Variants in PAFAH1B2 observed in about 807,000 individuals in gnomAD.
PAFAH1B2 encodes platelet activating factor acetylhydrolase 1b catalytic subunit 2.
Under a neutral mutation model 28.0 loss-of-function variants are expected in PAFAH1B2, and 8 were observed. That is an observed-to-expected ratio of 0.29 (90% CI 0.17 to 0.52). The LOEUF is 0.52. Ranked by LOEUF, PAFAH1B2 falls within the 20% of genes least tolerant of loss-of-function variation. PAFAH1B2 has a pLI of 0.97. For missense variants in PAFAH1B2, 190 were observed against 282.6 expected, an observed-to-expected ratio of 0.67 and a Z score of 2.35; for synonymous variants, 104 against 103.2, an observed-to-expected ratio of 1.01 and a Z score of -0.05.
Position 117,170,947 on chromosome 11 carries a change from T to A in PAFAH1B2, c.*3248T>A. ...GCTGCTAGCTGACTGGACCTCCCCA[T>A]TGGAAGTTTGTGATTTTGCTTTGGC... On this transcript the variant is annotated 3_prime_UTR_variant, in exon 6 of 6. Transcript: ENST00000527958. 9.5e-7 allele frequency: 1 copy of A among 1,055,220 alleles called. No homozygotes were observed. Among genetic ancestry groups the A allele is most frequent in the East Asian group, 5.3e-5 (1 of 18,992 alleles). 65.4% of individuals were successfully genotyped at this position (1,055,220 alleles called of 1,614,324 possible).
At position 117,144,374 on chromosome 11, in the gene PAFAH1B2, G is replaced by T; in HGVS notation, c.-52G>T. 1 of 420,172 alleles carries T rather than the reference G, an allele frequency of 2.4e-6. No homozygotes were observed. Among genetic ancestry groups the T allele is most frequent in the South Asian group, 1.6e-5 (1 of 61,452 alleles). 26.0% of individuals were successfully genotyped at this position (420,172 alleles called of 1,614,324 possible). On this transcript the variant is annotated 5_prime_UTR_variant, in exon 1 of 6. Transcript: ENST00000527958. ...CGAGCGAGCGACCGACGCGCCACCC[G>T]CCGACGCCTCAGCCGCTTGGGGCCC... is the stretch of plus-strand genomic sequence containing the variant.
intron 1 of PAFAH1B2, 104 bp downstream of exon 1, chr11:117,144,522 CT>C (rs1001556897): frequency 1.7e-5 from 3 of 176,956 alleles, no homozygotes; most frequent in African/African-American, 7.1e-5. Flanking sequence ...CTCCCCCACC[CT>C]TGCGGCCCCT....
intron 2 of PAFAH1B2, among the ~76,000 whole-genome samples, chr11:117,153,091 A>C (rs1338064840): frequency 6.6e-6 from 1 of 152,166 alleles, no homozygotes; most frequent in African/African-American, 2.4e-5. Context: ...AAACAAAAAA[A>C]CTGTAACCTT....
At position 117,161,209 on chromosome 11, in the gene PAFAH1B2, G is replaced by A; in HGVS notation, c.236G>A (p.Arg79Lys). ...TTTGGAATTGGGGGAGATACAACAA[G>A]ACATGTTTTGTGGAGACTAAAGAAT... is the stretch of plus-strand genomic sequence containing the variant. The part of the protein sequence containing the change: ...LNFGIGGDTT[R>K]HVLWRLKNGE... The change falls in exon 4 of 6, where the codon AGA becomes AAA. Residue 79 changes from arginine to lysine, a missense_variant. Coordinates refer to ENST00000527958, the MANE Select transcript of PAFAH1B2 (RefSeq NM_002572.4). 1.3e-6 allele frequency: 2 copies of A among 1,596,150 alleles called. No individual in the cohort carries two copies. The highest frequency in any genetic ancestry group is 1.7e-6 in the Non-Finnish European group (2 of 1,175,852).
At chr11:117,155,945 C>G (rs970397702) in intron 2 of PAFAH1B2, among the ~76,000 whole-genome samples, 1 of 152,002 alleles carries the variant, frequency 6.6e-6, no homozygotes, top group Admixed American at 6.6e-5. Flanking sequence ...AGTCCCAGCA[C>G]TTTGGGAGGC....
chr11:117,159,888 G>T, intron 2 of PAFAH1B2, 46 bp from the exon 3 acceptor site: 1 of 1,399,186 alleles, frequency 7.1e-7, no homozygotes, highest in South Asian at 1.2e-5. Context: ...ACCACACCCA[G>T]CCAGAAGTGC....
chr11:117,162,762 A>G (rs930059354), intron 4 of PAFAH1B2, among the ~76,000 whole-genome samples: 6 of 152,066 alleles, frequency 3.9e-5, no homozygotes, highest in African/African-American at 1.4e-4. Flanking sequence ...TCAAAAATAA[A>G]TAAATAGAAA....
At chr11:117,171,400 C>A (rs977769672), downstream of PAFAH1B2, among the ~76,000 whole-genome samples, 1 of 151,970 alleles carries the variant, frequency 6.6e-6, no homozygotes, top group Admixed American at 6.6e-5. Flanking sequence ...TGTTATTGGC[C>A]GGGCTCACGC....
chr11:117,158,773 T>G (rs1421581428), intron 2 of PAFAH1B2, among the ~76,000 whole-genome samples: 1 of 150,852 alleles, frequency 6.6e-6, no homozygotes, highest in Non-Finnish European at 1.5e-5. Flanking sequence ...GCCTCCTGAG[T>G]AGCTGGGACT....
downstream of PAFAH1B2, among the ~76,000 whole-genome samples, chr11:117,172,565 C>CT (rs1162789769): frequency 1.3e-5 from 2 of 151,922 alleles, no homozygotes; most frequent in Non-Finnish European, 2.9e-5. Context: ...TCTCCATGAC[C>CT]TGGCCTCTTT....
At chr11:117,156,648 G>A (rs1013914794) in intron 2 of PAFAH1B2, among the ~76,000 whole-genome samples, 1 of 152,104 alleles carries the variant, frequency 6.6e-6, no homozygotes, top group Non-Finnish European at 1.5e-5. Context: ...TTACACTTTA[G>A]GAGAAAAGTA....
intron 2 of PAFAH1B2, among the ~76,000 whole-genome samples, chr11:117,156,464 A>G (rs781049469): frequency 6.6e-6 from 1 of 152,170 alleles, no homozygotes; most frequent in Non-Finnish European, 1.5e-5. Context: ...CCCCAGACAT[A>G]TAGTGCCAGA....
chr11:117,163,758 C>A lies in PAFAH1B2; in HGVS notation c.289-12C>A. ...TTATCTTCTCCTTCCCCCCTTTTTTCTTCAATTGCAGGTCATTGTTGTCTG... is the reference window on the plus strand; with the variant it reads ...TTATCTTCTCCTTCCCCCCTTTTTTATTCAATTGCAGGTCATTGTTGTCTG... On this transcript the variant is annotated splice_polypyrimidine_tract_variant and intron_variant, in intron 4 of 5. Coordinates refer to ENST00000527958, the MANE Select transcript of PAFAH1B2 (RefSeq NM_002572.4). The A allele has an allele frequency of 6.3e-7, 1 of 1,599,044 alleles. No homozygotes were observed. Among genetic ancestry groups the A allele is most frequent in the East Asian group, 2.3e-5 (1 of 43,972 alleles).
At chr11:117,167,305 A>C (rs1956534609) in intron 5 of PAFAH1B2, 116 bp from the exon 6 acceptor site, 1 of 1,064,304 alleles carries the variant, frequency 9.4e-7, no homozygotes, top group South Asian at 2.0e-5. Flanking sequence ...ATGTTTCACA[A>C]CTCAAAGGTG....
intron 2 of PAFAH1B2, among the ~76,000 whole-genome samples, chr11:117,154,956 A>G (rs1398168914): frequency 1.3e-5 from 2 of 152,032 alleles, no homozygotes; most frequent in African/African-American, 2.4e-5. Flanking sequence ...TTTTGTATAC[A>G]TTTGATATTT....
chr11:117,146,114 CTTTTT>C (rs376242740), intron 1 of PAFAH1B2, among the ~76,000 whole-genome samples: 1 of 137,954 alleles, frequency 7.2e-6, no homozygotes. Flanking sequence ...GTCTTTCTTT[CTTTTT>C]TTTTTTTTTT....
At position 117,168,003 on chromosome 11, in the gene PAFAH1B2, C is replaced by G. The variant is rs1211468658; in HGVS notation, c.*304C>G. 3.7e-6 allele frequency: 4 copies of G among 1,079,270 alleles called. No individual in the cohort carries two copies. Among genetic ancestry groups the G allele is most frequent in the Middle Eastern group, 4.0e-4 (1 of 2,472 alleles). 66.9% of individuals were successfully genotyped at this position (1,079,270 alleles called of 1,614,324 possible). A position where few individuals can be genotyped will look rare whatever the true frequency, so the allele number is the denominator to read the frequency against. On this transcript the variant is annotated 3_prime_UTR_variant, in exon 6 of 6. Transcript: ENST00000527958. The stretch of plus-strand genomic sequence containing the variant: ...TATCACTGTTTTCTTGGGACAACAT[C>G]AAGCCTAAATACTGAACAATATGAA...
downstream of PAFAH1B2, chr11:117,175,032 A>G (rs1445797641): frequency 2.2e-6 from 3 of 1,385,674 alleles, no homozygotes; most frequent in Non-Finnish European, 2.8e-6. Flanking sequence ...TGGGTCCAGC[A>G]AGCTCCTCAG....
At chr11:117,159,908 A>AT (rs35139041) in intron 2 of PAFAH1B2, 26 bp from the exon 3 acceptor site, 639 of 1,421,528 alleles carry the variant, frequency 4.5e-4, no homozygotes, top group South Asian at 1.2e-3. Context: ...CCAGTTAATA[A>AT]TTTTTTTTTT....
Sources: allele counts gnomAD v4.1 joint callset (sites outside exome capture counted in the v4.1 genomes callset), GRCh38; gene constraint gnomAD v4.1.1; transcripts MANE v1.5; gene names NCBI Gene and HGNC (gene_info 2026-07-23, HGNC 2026-07-21).